Variants in MGLL observed in about 807,000 individuals in gnomAD.
MGLL encodes the protein lysophospholipase homolog.
MGLL carries 7 observed loss-of-function variants against 29.1 expected under a neutral mutation model. The ratio of observed to expected loss-of-function variants is 0.24; its 90% CI spans 0.14 to 0.45. The LOEUF is 0.45. MGLL is among the 20% of genes least tolerant of loss of function. MGLL has a pLI of 0.99. For synonymous variants in MGLL, 148 were observed against 168.3 expected, an observed-to-expected ratio of 0.88 and a Z score of 0.93; for missense variants, 356 against 413.6, an observed-to-expected ratio of 0.86 and a Z score of 1.21.
chr3:127,788,159 A>G (rs946522053), intron 2 of MGLL, among the ~76,000 whole-genome samples: 4 of 152,228 alleles, frequency 2.6e-5, no homozygotes, highest in African/African-American at 9.7e-5. Flanking sequence ...ACTGATTGAG[A>G]GAATTTATGG....
chr3:127,737,526 C>T (rs895285742), intron 3 of MGLL, among the ~76,000 whole-genome samples: 2 of 150,656 alleles, frequency 1.3e-5, no homozygotes, highest in African/African-American at 4.9e-5. Context: ...GGCTGCAGAC[C>T]AAAGCGGCCC....
At chr3:127,795,649 A>T (rs2077371013) in intron 2 of MGLL, among the ~76,000 whole-genome samples, 1 of 152,246 alleles carries the variant, frequency 6.6e-6, no homozygotes, top group African/African-American at 2.4e-5. Context: ...TACCTTAAGT[A>T]GTAACTAAAA....
chr3:127,822,430 A>T lies in MGLL; in HGVS notation c.-112T>A. On this transcript the variant is annotated 5_prime_UTR_variant, in exon 1 of 8. Coordinates refer to ENST00000265052, the MANE Select transcript of MGLL (RefSeq NM_007283.7). ...CCAAGGCAGCAGGAAGGCAGCTCCG[A>T]GCCCTCTTCCCGCACCCAGACCCTG... The T allele has an allele frequency of 8.6e-7, 1 of 1,160,410 alleles. No individual in the cohort carries two copies. The highest frequency in any genetic ancestry group is 1.3e-5 in the South Asian group (1 of 79,254). 71.9% of individuals were successfully genotyped at this position (1,160,410 alleles called of 1,614,324 possible).
chr3:127,791,784 G>A (rs891849237), intron 2 of MGLL, among the ~76,000 whole-genome samples: 6 of 152,212 alleles, frequency 3.9e-5, no homozygotes, highest in Non-Finnish European at 8.8e-5. Context: ...TTAACATGCA[G>A]CATCTGTTGG....
chr3:127,722,109 TG>T (rs1412902103), intron 4 of MGLL, among the ~76,000 whole-genome samples: 1 of 152,230 alleles, frequency 6.6e-6, no homozygotes, highest in Non-Finnish European at 1.5e-5. Flanking sequence ...TTCTTATTGA[TG>T]AAGGAGCTAT....
intron 2 of MGLL, among the ~76,000 whole-genome samples, chr3:127,789,764 G>T (rs1333842629): frequency 6.6e-6 from 1 of 151,924 alleles, no homozygotes; most frequent in Non-Finnish European, 1.5e-5. Flanking sequence ...AGAAAAGAAA[G>T]AAAGAGGCAG....
In MGLL at chr3:127,770,015, T is replaced by G. The variant is rs545577610; in HGVS notation, c.262+11774A>C. 7.9e-5 allele frequency among the ~76,000 whole-genome samples: 12 copies of G among 152,304 alleles called. No homozygotes were observed. The South Asian group carries it at 2.5e-3, about 32-fold the overall frequency. On this transcript the variant is annotated intron_variant, in intron 3 of 7. Coordinates refer to ENST00000265052, the MANE Select transcript of MGLL (RefSeq NM_007283.7). ...GCAATAAGGTGCCTCTCTTCATAAC[T>G]ATCCTCCCTTGTAACTCGCAAAGAG...
At chr3:127,736,178 T>C in intron 3 of MGLL, 1 of 972,524 alleles carries the variant, frequency 1.0e-6, no homozygotes, top group Non-Finnish European at 1.2e-6. Flanking sequence ...TCACTTCTGC[T>C]GAAATTATTG....
intron 3 of MGLL, among the ~76,000 whole-genome samples, chr3:127,740,494 C>A (rs764889239): frequency 6.6e-6 from 1 of 152,172 alleles, no homozygotes; most frequent in African/African-American, 2.4e-5. Flanking sequence ...ACTGCCGGGA[C>A]CCAGGTCGCC....
At chr3:127,727,704 T>TAAAAAAAAA (rs1177079179) in intron 3 of MGLL, among the ~76,000 whole-genome samples, 3 of 80,712 alleles carry the variant, frequency 3.7e-5, no homozygotes, top group Non-Finnish European at 6.9e-5. Flanking sequence ...AGAGCAAGGC[T>TAAAAAAAAA]AAAAAAAAAA....
upstream of MGLL, chr3:127,822,583 C>A (rs1159771653): frequency 3.8e-6 from 2 of 524,780 alleles, no homozygotes; most frequent in Non-Finnish European, 6.7e-6. Context: ...CATGTCATCA[C>A]TTTTCCTAAA....
intron 3 of MGLL, among the ~76,000 whole-genome samples, chr3:127,767,452 C>T (rs959640958): frequency 2.0e-5 from 3 of 152,160 alleles, no homozygotes; most frequent in Non-Finnish European, 2.9e-5. Flanking sequence ...TCAAATAATT[C>T]AAAAACACAT....
At chr3:127,749,162 C>T (rs2076508668) in intron 3 of MGLL, among the ~76,000 whole-genome samples, 1 of 152,222 alleles carries the variant, frequency 6.6e-6, no homozygotes, top group Non-Finnish European at 1.5e-5. Flanking sequence ...GAGGACTCCT[C>T]TCTAGGGCTG....
intron 2 of MGLL, among the ~76,000 whole-genome samples, chr3:127,813,531 T>C (rs1192134131): frequency 1.3e-5 from 2 of 152,152 alleles, no homozygotes; most frequent in African/African-American, 4.8e-5. Context: ...GAGGGCTAAC[T>C]TGTAGTTTAA....
intron 6 of MGLL, among the ~76,000 whole-genome samples, chr3:127,708,021 T>G (rs1194179940): frequency 1.3e-5 from 2 of 152,188 alleles, no homozygotes; most frequent in East Asian, 3.9e-4. Context: ...CACCCTCGAT[T>G]CCCGGCCAGT....
At chr3:127,754,691 A>G (rs994531752) in intron 3 of MGLL, among the ~76,000 whole-genome samples, 3 of 152,014 alleles carry the variant, frequency 2.0e-5, no homozygotes, top group African/African-American at 7.3e-5. Context: ...GGGCAGGAGG[A>G]TGGGTTTTCC....
chr3:127,755,915 T>G (rs1355295430), intron 3 of MGLL, among the ~76,000 whole-genome samples: 2 of 152,194 alleles, frequency 1.3e-5, no homozygotes, highest in African/African-American at 4.8e-5. Context: ...GAAACCTGAT[T>G]TTATTCAGAC....
rs1269071206 is a variant in MGLL, at chr3:127,821,625, T to C, written c.155+69A>G. The C allele has an allele frequency of 1.9e-6, 3 of 1,580,448 alleles. No homozygotes were observed. In the Admixed American group the frequency reaches 5.0e-5, roughly 26 times the overall value. ...CGGCCCCGCCCCAGATGGCACATGA[T>C]AACGACCAGAGGAGAAGCAGGGGCC... On this transcript the variant is annotated intron_variant, in intron 2 of 7. Transcript: ENST00000265052.
chr3:127,713,010 C>T (rs768036387), intron 5 of MGLL: 3 of 152,282 alleles, frequency 2.0e-5, no homozygotes, highest in Non-Finnish European at 2.9e-5. Flanking sequence ...GCTCTGTGGC[C>T]TTCACTAGAC....
Sources: allele counts gnomAD v4.1 joint callset (sites outside exome capture counted in the v4.1 genomes callset), GRCh38; gene constraint gnomAD v4.1.1; transcripts MANE v1.5; gene names NCBI Gene and HGNC (gene_info 2026-07-23, HGNC 2026-07-21).